Variants in UHMK1 observed in about 807,000 individuals in gnomAD.
UHMK1 encodes the protein serine/threonine-protein kinase Kist.
UHMK1 carries 18 observed loss-of-function variants against 44.0 expected under a neutral mutation model. That is an observed-to-expected ratio of 0.41 (90% CI 0.28 to 0.61). UHMK1 has a LOEUF of 0.61. UHMK1 is among the 20% of genes least tolerant of loss of function. The pLI, the probability that UHMK1 is intolerant of heterozygous loss-of-function variation, is 0.31. For missense variants in UHMK1, 463 were observed against 522.5 expected, an observed-to-expected ratio of 0.89 and a Z score of 1.11; for synonymous variants, 231 against 198.5, an observed-to-expected ratio of 1.16 and a Z score of -1.38.
At chr1:162,516,248 T>G (rs747849466) in intron 6 of UHMK1, among the ~76,000 whole-genome samples, 12 of 152,228 alleles carry the variant, frequency 7.9e-5, no homozygotes, top group Non-Finnish European at 1.6e-4. Context: ...ATTAAATACC[T>G]TTGTTACTTC....
In UHMK1 at chr1:162,498,157, C is replaced by G; in HGVS notation, c.157C>G (p.Leu53Val). 2 of 1,613,150 alleles carry G rather than the reference C, an allele frequency of 1.2e-6. No homozygotes were observed. Among genetic ancestry groups the G allele is most frequent in the Non-Finnish European group, 1.7e-6 (2 of 1,179,756 alleles). ...CGNPGSPPGA[L>V]KQFLPPGTTG... ...CAACCCTGGCTCGCCCCCCGGCGCC[C>G]TCAAGCAGTTCTTGCCGCCAGGAAC... The change falls in exon 1 of 8, where the codon CTC (leucine) becomes GTC (valine). Residue 53 changes from leucine to valine, a missense_variant. Physicochemically the swap from Leu to Val is conservative, Grantham distance 32. Around this residue, in one of 3 missense-constraint regions of UHMK1, gnomAD observed 191 missense variants for 176.0 expected, o/e 1.09. Transcript: ENST00000489294.
At chr1:162,504,018 A>G (rs914140943) in intron 4 of UHMK1, among the ~76,000 whole-genome samples, 170 bp downstream of exon 4, 3 of 152,168 alleles carry the variant, frequency 2.0e-5, no homozygotes, top group African/African-American at 7.2e-5. Context: ...TCATAGTATC[A>G]GATGTTAAGC....
chr1:162,514,017 G>A (rs1027558200), intron 6 of UHMK1, among the ~76,000 whole-genome samples: 7 of 152,272 alleles, frequency 4.6e-5, no homozygotes, highest in African/African-American at 1.7e-4. Context: ...GAGAGGGAGT[G>A]GACTAAAACA....
At position 162,512,577 on chromosome 1, in the gene UHMK1, G is replaced by A; in HGVS notation, c.925+1G>A. The A allele has an allele frequency of 6.2e-7, 1 of 1,610,682 alleles. No homozygotes were observed. The highest frequency in any genetic ancestry group is 8.5e-7 in the Non-Finnish European group (1 of 1,179,224). Reference sequence around the variant, plus strand: ...AGCCCATTCTTTAGCATTCCTTTTGGTAAGTTGTGTATTCTTTTATTTTTT... The same window carrying A: ...AGCCCATTCTTTAGCATTCCTTTTGATAAGTTGTGTATTCTTTTATTTTTT... On this transcript the variant is annotated splice_donor_variant, in intron 5 of 7. Coordinates refer to ENST00000489294, the MANE Select transcript of UHMK1 (RefSeq NM_175866.5). LOFTEE classifies it high-confidence loss of function.
rs1652232757 is a variant in UHMK1 at position 162,525,982 on chromosome 1, C to T, written c.*3432C>T. 6.6e-6 allele frequency: 1 copy of T among 152,064 alleles called. No individual in the cohort carries two copies. The highest frequency in any genetic ancestry group is 1.9e-4 in the East Asian group (1 of 5,192). The allele number at this position is 152,064 out of a possible 1,614,324, so 9.4% of individuals were successfully genotyped here. ...TGTTGCTTATATTTTAACTATTGAG[C>T]AAGTTTATTATAAGGAATGCTGCCA... On this transcript the variant is annotated 3_prime_UTR_variant, in exon 8 of 8. Transcript: ENST00000489294.
intron 3 of UHMK1, 122 bp downstream of exon 3, chr1:162,501,226 G>A: frequency 1.0e-6 from 1 of 989,206 alleles, no homozygotes; most frequent in Non-Finnish European, 1.4e-6. Context: ...CTGGAGTGCA[G>A]TGGCGCAATC....
At chr1:162,497,760 T>C, upstream of UHMK1, 5 of 1,152,980 alleles carry the variant, frequency 4.3e-6, no homozygotes, top group Non-Finnish European at 4.5e-6. Flanking sequence ...GCCCCGCCCC[T>C]TCTGAGCCCC....
rs1557947967 is a variant in UHMK1, at chr1:162,522,437, A to G, written c.1147A>G (p.Lys383Glu). 1 of 1,614,202 alleles carries G rather than the reference A, an allele frequency of 6.2e-7. No individual in the cohort carries two copies. The highest frequency in any genetic ancestry group is 8.5e-7 in the Non-Finnish European group (1 of 1,180,034). ...TGAGTATGCAAATGCTGGTGATTCC[A>G]AAGCTGCGCAGAAATTACTGACTGG... ...FVEYANAGDS[K>E]AAQKLLTGRM... Residue 383 changes from lysine to glutamate, a missense_variant, in exon 8 of 8, where the codon AAA (lysine) becomes GAA (glutamate). Physicochemically the swap from Lys to Glu is moderately conservative, Grantham distance 56 (BLOSUM62 1). This residue lies in a region of UHMK1 where 264 missense variants were observed against 326.3 expected (regional missense o/e 0.81). Transcript: ENST00000489294.
At chr1:162,522,313 C>T in intron 7 of UHMK1, 91 bp from the exon 8 acceptor site, 3 of 1,404,994 alleles carry the variant, frequency 2.1e-6, no homozygotes, top group Non-Finnish European at 2.9e-6. Context: ...AATAACATCT[C>T]CAGTTGATGT....
chr1:162,520,894 T>C (rs1027980589), intron 7 of UHMK1, among the ~76,000 whole-genome samples: 1 of 152,172 alleles, frequency 6.6e-6, no homozygotes, highest in Non-Finnish European at 1.5e-5. Flanking sequence ...AAGTGGAAGA[T>C]ACAGAATAGA....
In UHMK1 at chr1:162,503,123, G is replaced by A. The variant is rs545237675; in HGVS notation, c.754-631G>A. On this transcript the variant is annotated intron_variant, in intron 3 of 7. Transcript: ENST00000489294. ...CTGCCTGAAAACCAATTGAAGACTC[G>A]TTACGGAGATACCCTGAGTCACCTA... Among the ~76,000 whole-genome samples, 38 of 152,142 alleles carry A rather than the reference G, an allele frequency of 2.5e-4. No homozygotes were observed. In the South Asian group the frequency reaches 4.4e-3, roughly 17 times the overall value.
rs1367803470 is a variant in UHMK1 at position 162,510,936 on chromosome 1, G to A, written c.849-1564G>A. 1.3e-4 allele frequency among the ~76,000 whole-genome samples: 19 copies of A among 151,694 alleles called. 2 individuals carry two copies. The highest frequency in any genetic ancestry group is 1.2e-3 in the Admixed American group (18 of 15,230). ...TTATATTCCCACCAACAATGTGTACGGATTCCCTTTTCTTTATGTCTTTTG... is the reference window on the plus strand; with the variant it reads ...TTATATTCCCACCAACAATGTGTACAGATTCCCTTTTCTTTATGTCTTTTG... On this transcript the variant is annotated intron_variant, in intron 4 of 7. Transcript: ENST00000489294.
chr1:162,503,694 C>A, intron 3 of UHMK1, 60 bp from the exon 4 acceptor site: 1 of 1,161,334 alleles, frequency 8.6e-7, no homozygotes, highest in Non-Finnish European at 1.3e-6. Context: ...GTGCTATATG[C>A]CTAGTATTCA....
chr1:162,518,103 T>C lies in UHMK1; in HGVS notation c.1026T>C (p.Asp342=). ...ACTGTTATGTGTTTTAATAATCAGA[T>C]GTTGTAGAAGATGTAAAAGAGGAGT... The part of the protein sequence containing the change: ...DYLENEEEYE[D]VVEDVKEECQ... The change falls in exon 7 of 8, where the codon GAT becomes GAC. Residue 342 remains aspartate (D), a splice_region_variant and synonymous_variant. Coordinates refer to ENST00000489294, the MANE Select transcript of UHMK1 (RefSeq NM_175866.5). 2 of 1,603,924 alleles carry C rather than the reference T, an allele frequency of 1.2e-6. No homozygotes were observed. The highest frequency in any genetic ancestry group is 8.5e-7 in the Non-Finnish European group (1 of 1,171,034).
chr1:162,520,741 G>A (rs547825044), intron 7 of UHMK1, among the ~76,000 whole-genome samples: 2 of 152,176 alleles, frequency 1.3e-5, no homozygotes, highest in Non-Finnish European at 2.9e-5. Context: ...TTAGGGAGTG[G>A]TAGGGGGCTT....
chr1:162,512,417 A>G, intron 4 of UHMK1, 83 bp from the exon 5 acceptor site: 1 of 1,077,826 alleles, frequency 9.3e-7, no homozygotes. Flanking sequence ...TGTGATGAAC[A>G]TTCAGACATT....
rs762674341 is a variant in UHMK1 at position 162,501,082 on chromosome 1, C to T, written c.731C>T (p.Thr244Ile). The T allele has an allele frequency of 9.9e-6, 16 of 1,614,024 alleles. No individual in the cohort carries two copies. Among genetic ancestry groups the T allele is most frequent in the East Asian group, 2.2e-5 (1 of 44,884 alleles). ...TTCTCAGGAATGAAACTGAAACATA[C>T]AGTCAGATCTCAGGAATGGAAGGTA... is the stretch of plus-strand genomic sequence containing the variant. ...EMFSGMKLKH[T>I]VRSQEWKANS... The change falls in exon 3 of 8, where the codon ACA becomes ATA. Residue 244 changes from threonine to isoleucine, a missense_variant. Physicochemically the swap from Thr to Ile is moderately conservative, Grantham distance 89 (BLOSUM62 -1). Transcript: ENST00000489294.
chr1:162,522,673 T>A lies in UHMK1; in HGVS notation c.*123T>A. ...ACTTTATACATTTATTTAATCCTAC[T>A]AATGTGCAGCCATTGCCCAAGCAGT... On this transcript the variant is annotated 3_prime_UTR_variant, in exon 8 of 8. Coordinates refer to ENST00000489294, the MANE Select transcript of UHMK1 (RefSeq NM_175866.5). The A allele has an allele frequency of 8.8e-7, 1 of 1,138,882 alleles. No homozygotes were observed. Among genetic ancestry groups the A allele is most frequent in the Non-Finnish European group, 1.2e-6 (1 of 816,292 alleles). 70.5% of individuals were successfully genotyped at this position (1,138,882 alleles called of 1,614,324 possible). A position where few individuals can be genotyped will look rare whatever the true frequency, so the allele number is the denominator to read the frequency against.
upstream of UHMK1, chr1:162,497,199 G>C: frequency 1.5e-6 from 1 of 687,080 alleles, no homozygotes; most frequent in South Asian, 1.5e-5. Context: ...CCAAAGTTTT[G>C]TCATGCAGAT....
Sources: allele counts gnomAD v4.1 joint callset (sites outside exome capture counted in the v4.1 genomes callset), GRCh38; gene constraint gnomAD v4.1.1; regional missense constraint gnomAD v4.1.1; transcripts MANE v1.5; gene names NCBI Gene and HGNC (gene_info 2026-07-23, HGNC 2026-07-21).